SHISAL1: variants seen among roughly 807,000 people sequenced by gnomAD.
SHISAL1 encodes the protein shisa like 1.
In SHISAL1, 9 loss-of-function variants were observed where a neutral mutation model predicts 22.6. The observed-to-expected ratio is 0.40, with a 90% CI of 0.24 to 0.70. The LOEUF is 0.70. Among genes scored for constraint, SHISAL1 ranks in the 30% least tolerant of loss-of-function variants. SHISAL1 has a pLI of 0.39. For missense variants in SHISAL1, 246 were observed against 270.6 expected (o/e 0.91, Z 0.64); for synonymous variants, 119 against 115.4 (o/e 1.03, Z -0.20).
At chr22:44,301,841 C>G (rs2055431724) in intron 1 of SHISAL1, among the ~76,000 whole-genome samples, 1 of 152,060 alleles carries the variant, frequency 6.6e-6, no homozygotes, top group South Asian at 2.1e-4. Flanking sequence ...CATGGGGTCC[C>G]TAGAGGAGTC....
At chr22:44,285,811 A>T (rs2055311384) in intron 3 of SHISAL1, 66 bp from the exon 4 acceptor site, 1 of 1,320,826 alleles carries the variant, frequency 7.6e-7, no homozygotes, top group South Asian at 1.3e-5. Context: ...CGGCTTCATC[A>T]GTGGGGCTGA....
intron 4 of SHISAL1, among the ~76,000 whole-genome samples, chr22:44,272,325 A>G (rs1419602687): frequency 1.3e-5 from 2 of 152,178 alleles, no homozygotes; most frequent in African/African-American, 4.8e-5. Context: ...CCTTTGGCTG[A>G]AGACATTGAT....
At chr22:44,255,682 G>A (rs1334043491) in intron 4 of SHISAL1, among the ~76,000 whole-genome samples, 1 of 152,198 alleles carries the variant, frequency 6.6e-6, no homozygotes, top group Non-Finnish European at 1.5e-5. Flanking sequence ...GAGGAGCCCT[G>A]AGAAAACCTA....
chr22:44,309,608 C>T (rs528896400), intron 1 of SHISAL1, among the ~76,000 whole-genome samples: 19 of 152,316 alleles, frequency 1.2e-4, no homozygotes, highest in Admixed American at 1.1e-3. Context: ...GGGTCTGCTC[C>T]TGTGCCCTGT....
At chr22:44,284,209 T>C (rs2055295574) in intron 4 of SHISAL1, among the ~76,000 whole-genome samples, 1 of 152,104 alleles carries the variant, frequency 6.6e-6, no homozygotes, top group Non-Finnish European at 1.5e-5. Flanking sequence ...ATGTGAACGA[T>C]CACTAACTCA....
At chr22:44,279,575 C>T (rs184741292) in intron 4 of SHISAL1, among the ~76,000 whole-genome samples, 1 of 152,234 alleles carries the variant, frequency 6.6e-6, no homozygotes, top group East Asian at 1.9e-4. Flanking sequence ...CAGGGGAGGA[C>T]GAATGAGTTT....
At position 44,278,885 on chromosome 22, in the gene SHISAL1, T is replaced by C. The variant is rs190787187; in HGVS notation, c.599+6543A>G. Among the ~76,000 whole-genome samples, 1,058 of 152,218 alleles carry C rather than the reference T, an allele frequency of 7.0e-3. 7 individuals carry two copies. Among genetic ancestry groups the C allele is most frequent in the Non-Finnish European group, 0.011 (740 of 68,000 alleles). ...CCTGCACTCTGGGGAGTCTGCACAG[T>C]TGGGCACCAGGGCGTGGGTAGGAGG... On this transcript the variant is annotated intron_variant, in intron 4 of 4. Transcript: ENST00000381176.
the SHISAL1 span, among the ~76,000 whole-genome samples, chr22:44,329,495 C>A: frequency 4.6e-5 from 7 of 152,280 alleles, no homozygotes; most frequent in South Asian, 1.4e-3. Flanking sequence ...GCTCCCCTCA[C>A]CCCTCTTCAT....
chr22:44,314,618 A>G (rs2147315075), upstream of SHISAL1, among the ~76,000 whole-genome samples: 1 of 152,138 alleles, frequency 6.6e-6, no homozygotes, highest in African/African-American at 2.4e-5. Context: ...AGGGAAGGTG[A>G]CCCCACCTCA....
chr22:44,268,563 C>T (rs1167185812), intron 4 of SHISAL1, among the ~76,000 whole-genome samples: 1 of 152,158 alleles, frequency 6.6e-6, no homozygotes, highest in Non-Finnish European at 1.5e-5. Flanking sequence ...ACTCCCAGCC[C>T]AGGGTTCTGC....
intron 4 of SHISAL1, among the ~76,000 whole-genome samples, chr22:44,256,592 T>G (rs919140527): frequency 6.6e-6 from 1 of 152,208 alleles, no homozygotes; most frequent in Admixed American, 6.5e-5. Flanking sequence ...GGCCACCTGT[T>G]TAAAATTATC....
intron 4 of SHISAL1, among the ~76,000 whole-genome samples, chr22:44,277,165 TC>T: frequency 6.6e-6 from 1 of 152,308 alleles, no homozygotes; most frequent in South Asian, 2.1e-4. Flanking sequence ...CTGAGCACTG[TC>T]TTGGACAGAG....
chr22:44,324,175 T>C, the SHISAL1 span, among the ~76,000 whole-genome samples: 1 of 152,158 alleles, frequency 6.6e-6, no homozygotes, highest in African/African-American at 2.4e-5. Flanking sequence ...ACTCAGGTTA[T>C]TATCATCATT....
chr22:44,255,075 C>T (rs965892478), intron 4 of SHISAL1, among the ~76,000 whole-genome samples: 2 of 152,198 alleles, frequency 1.3e-5, no homozygotes, highest in African/African-American at 4.8e-5. Context: ...ACCGCTCCTG[C>T]TCCAGCCCTT....
At chr22:44,307,674 G>T (rs1569226980) in intron 1 of SHISAL1, among the ~76,000 whole-genome samples, 1 of 152,198 alleles carries the variant, frequency 6.6e-6, no homozygotes, top group African/African-American at 2.4e-5. Flanking sequence ...ATCTCTGCGG[G>T]CCACCCCTCC....
At chr22:44,283,716 C>T (rs2055292154) in intron 4 of SHISAL1, among the ~76,000 whole-genome samples, 1 of 152,154 alleles carries the variant, frequency 6.6e-6, no homozygotes, top group African/African-American at 2.4e-5. Context: ...TGGGGGAGGA[C>T]CACCGTTTTA....
At position 44,245,337 on chromosome 22, in the gene SHISAL1, C is replaced by CCT. The variant is rs1412825507; in HGVS notation, c.*4347_*4348insAG. 3 of 152,352 alleles carry CCT rather than the reference C, an allele frequency of 2.0e-5. No homozygotes were observed. Among genetic ancestry groups the CCT allele is most frequent in the Admixed American group, 1.3e-4 (2 of 15,276 alleles). The allele number at this position is 152,352 out of a possible 1,614,324, so 9.4% of individuals were successfully genotyped here. On this transcript the variant is annotated 3_prime_UTR_variant, in exon 5 of 5. Coordinates refer to ENST00000381176, the MANE Select transcript of SHISAL1 (RefSeq NM_001099294.2). ...CTTCCTTCTTACCTACCTACCTAGA[C>CCT]AGAGTCTCACTCTGTTGCCCAGGCT... is the stretch of plus-strand genomic sequence containing the variant.
chr22:44,287,464 A>C (rs556792001), intron 3 of SHISAL1, among the ~76,000 whole-genome samples: 7 of 152,276 alleles, frequency 4.6e-5, no homozygotes, highest in Admixed American at 4.6e-4. Flanking sequence ...AGCACATCCC[A>C]TGAGCAGCTG....
intron 3 of SHISAL1, among the ~76,000 whole-genome samples, chr22:44,296,470 T>G (rs2055386737): frequency 6.6e-6 from 1 of 152,234 alleles, no homozygotes; most frequent in Non-Finnish European, 1.5e-5. Flanking sequence ...TCTGTGTCCA[T>G]TTCTCAGATG....
Sources: allele counts gnomAD v4.1 joint callset (sites outside exome capture counted in the v4.1 genomes callset), GRCh38; gene constraint gnomAD v4.1.1; transcripts MANE v1.5; gene names NCBI Gene and HGNC (gene_info 2026-07-23, HGNC 2026-07-21).